SGCG: variants seen among roughly 807,000 people sequenced by gnomAD.
The protein encoded by SGCG is gamma-sarcoglycan.
SGCG carries 26 observed loss-of-function variants against 29.3 expected under a neutral mutation model. That is an observed-to-expected ratio of 0.89 (90% CI 0.65 to 1.23). The LOEUF is 1.23. SGCG is among the 50% of genes most tolerant of loss of function. SGCG has a pLI of 0.00. For synonymous variants in SGCG, 145 were observed against 129.7 expected (o/e 1.12, Z -0.80); for missense variants, 353 against 356.0 (o/e 0.99, Z 0.07).
intron 4 of SGCG, among the ~76,000 whole-genome samples, chr13:23,262,473 A>G (rs1016628778): frequency 1.3e-5 from 2 of 152,028 alleles, no homozygotes; most frequent in African/African-American, 4.8e-5. Flanking sequence ...CTCAATATAT[A>G]CGTACTTAAG....
intron 6 of SGCG, among the ~76,000 whole-genome samples, chr13:23,319,010 CAA>C (rs1882931278): frequency 6.6e-6 from 1 of 152,108 alleles, no homozygotes; most frequent in Non-Finnish European, 1.5e-5. Flanking sequence ...GTCAAAATAG[CAA>C]ACTGGGGCCA....
chr13:23,171,557 C>G, the SGCG span, among the ~76,000 whole-genome samples: 1 of 152,192 alleles, frequency 6.6e-6, no homozygotes, highest in Non-Finnish European at 1.5e-5. Flanking sequence ...CTGCATCTGA[C>G]TTTTTGGGAT....
At chr13:23,308,118 G>A (rs777110546) in intron 6 of SGCG, among the ~76,000 whole-genome samples, 13 of 152,166 alleles carry the variant, frequency 8.5e-5, no homozygotes, top group Non-Finnish European at 1.6e-4. Flanking sequence ...AGAGTATTTG[G>A]CCAGTATGAA....
intron 3 of SGCG, among the ~76,000 whole-genome samples, chr13:23,241,783 T>C (rs1165150271): frequency 6.6e-6 from 1 of 152,088 alleles, no homozygotes; most frequent in Non-Finnish European, 1.5e-5. Flanking sequence ...AGTCAACATA[T>C]GCAAAACAAT....
chr13:23,185,792 G>A (rs949349160), intron 1 of SGCG, among the ~76,000 whole-genome samples: 1 of 152,184 alleles, frequency 6.6e-6, no homozygotes, highest in African/African-American at 2.4e-5. Flanking sequence ...CACAGCCATG[G>A]GCGAGGCAGC....
intron 1 of SGCG, among the ~76,000 whole-genome samples, chr13:23,188,599 G>A (rs1028648656): frequency 6.6e-6 from 1 of 151,482 alleles, no homozygotes; most frequent in South Asian, 2.1e-4. Flanking sequence ...GATTATAGGT[G>A]TGAGCCACCA....
rs114405071 is a variant in SGCG, at chr13:23,218,259, T to C, written c.195+14370T>C. ...TATACATCTATATTTTGGTCTCAAC[T>C]AGCTAGAAAATGGGCTAGAAGAAAA... On this transcript the variant is annotated intron_variant, in intron 2 of 7. Coordinates refer to ENST00000218867, the MANE Select transcript of SGCG (RefSeq NM_000231.3). Among the ~76,000 whole-genome samples the C allele has an allele frequency of 9.1e-3, 1,389 of 152,306 alleles. 26 individuals are homozygous for C. The highest frequency in any genetic ancestry group is 0.032 in the African/African-American group (1,324 of 41,574).
chr13:23,323,301 C>T (rs1030840407), intron 7 of SGCG, among the ~76,000 whole-genome samples: 1 of 152,220 alleles, frequency 6.6e-6, no homozygotes, highest in African/African-American at 2.4e-5. Context: ...ACTTCTTTGA[C>T]CGTGACTGCA....
chr13:23,197,896 A>G (rs1374141139), intron 1 of SGCG, among the ~76,000 whole-genome samples: 1 of 152,214 alleles, frequency 6.6e-6, no homozygotes, highest in Non-Finnish European at 1.5e-5. Flanking sequence ...ATGAAATGAA[A>G]TCATTCTGAA....
intron 1 of SGCG, among the ~76,000 whole-genome samples, chr13:23,203,181 G>A (rs554975524): frequency 1.2e-4 from 19 of 152,148 alleles, no homozygotes; most frequent in African/African-American, 3.9e-4. Flanking sequence ...GGATGGTCTC[G>A]ATCTCCTGAC....
intron 2 of SGCG, among the ~76,000 whole-genome samples, chr13:23,222,783 A>T (rs185684924): frequency 1.5e-4 from 23 of 152,336 alleles, no homozygotes; most frequent in East Asian, 1.9e-4. Flanking sequence ...GGCTGAGATC[A>T]TGCCACTGCA....
chr13:23,302,930 G>C (rs1241976007), intron 6 of SGCG, among the ~76,000 whole-genome samples: 3 of 152,150 alleles, frequency 2.0e-5, no homozygotes, highest in Non-Finnish European at 4.4e-5. Flanking sequence ...TCTACGTTCT[G>C]AACTCTTCCC....
intron 6 of SGCG, among the ~76,000 whole-genome samples, chr13:23,301,124 G>A: frequency 6.6e-6 from 1 of 151,940 alleles, no homozygotes; most frequent in East Asian, 1.9e-4. Flanking sequence ...TCAAAAAAAA[G>A]GAATTGAACT....
chr13:23,241,057 G>A (rs1005528244), intron 3 of SGCG, among the ~76,000 whole-genome samples: 1 of 150,250 alleles, frequency 6.7e-6, no homozygotes, highest in Non-Finnish European at 1.5e-5. Context: ...GCTGAGGCAG[G>A]AGAATGGCAT....
upstream of SGCG, among the ~76,000 whole-genome samples, chr13:23,179,437 G>A (rs546588562): frequency 2.0e-5 from 3 of 152,246 alleles, no homozygotes; most frequent in South Asian, 2.1e-4. Flanking sequence ...ACCAATTTAC[G>A]ATTGATGAAG....
At chr13:23,188,502 T>G (rs199940269) in intron 1 of SGCG, among the ~76,000 whole-genome samples, 1,486 of 140,900 alleles carry the variant, frequency 0.011, 26 homozygotes, top group Admixed American at 0.017. Flanking sequence ...TTTTTTTTTT[T>G]GGGACAGGTA....
At chr13:23,289,337 T>C (rs528655125) in intron 5 of SGCG, among the ~76,000 whole-genome samples, 2 of 152,198 alleles carry the variant, frequency 1.3e-5, no homozygotes, top group African/African-American at 4.8e-5. Context: ...TAACTCCAGG[T>C]TGTTGATTAA....
intron 4 of SGCG, among the ~76,000 whole-genome samples, chr13:23,252,640 A>C (rs577803199): frequency 6.6e-6 from 1 of 152,234 alleles, no homozygotes; most frequent in East Asian, 1.9e-4. Context: ...GCAGTGAGCC[A>C]AGATCGCATC....
intron 4 of SGCG, among the ~76,000 whole-genome samples, chr13:23,252,954 C>T (rs562370877): frequency 6.6e-6 from 1 of 152,250 alleles, no homozygotes; most frequent in Admixed American, 6.5e-5. Flanking sequence ...TCCACTGGCC[C>T]TCCTCTCTAA....
Sources: allele counts gnomAD v4.1 joint callset (sites outside exome capture counted in the v4.1 genomes callset), GRCh38; gene constraint gnomAD v4.1.1; transcripts MANE v1.5; gene names NCBI Gene and HGNC (gene_info 2026-07-23, HGNC 2026-07-21).